The following GNG4 variants were observed in gnomAD, a reference collection of about 807,000 sequenced individuals.
GNG4 encodes guanine nucleotide-binding protein G(I)/G(S)/G(O) subunit gamma-4.
GNG4 carries 4 observed loss-of-function variants against 5.8 expected under a neutral mutation model. The ratio of observed to expected loss-of-function variants is 0.69; its 90% CI spans 0.34 to 1.57. The LOEUF (loss-of-function observed/expected upper bound fraction) is 1.57, where lower values mean the gene tolerates loss of function less well. Ranked by LOEUF, GNG4 falls within the 40% of genes most tolerant of loss-of-function variation. GNG4 has a pLI of 0.06. For synonymous variants in GNG4, 29 were observed against 32.9 expected (o/e 0.88, Z 0.41); for missense variants, 96 against 95.1 (o/e 1.01, Z -0.04).
chr1:235,631,890 T>A (rs973881192), intron 1 of GNG4, among the ~76,000 whole-genome samples: 1 of 151,886 alleles, frequency 6.6e-6, no homozygotes, highest in Non-Finnish European at 1.5e-5. Flanking sequence ...TTCCTATGAG[T>A]GGCAATACGT....
chr1:235,637,851 C>T (rs2102986734), intron 1 of GNG4, among the ~76,000 whole-genome samples: 1 of 152,302 alleles, frequency 6.6e-6, no homozygotes, highest in East Asian at 1.9e-4. Context: ...TATGGGCACA[C>T]AGCTCACTCT....
intron 3 of GNG4, among the ~76,000 whole-genome samples, chr1:235,580,765 T>TTA (rs1553366624): frequency 6.7e-6 from 1 of 149,742 alleles, no homozygotes. Context: ...TTTTTTTTTT[T>TTA]CCTGAGATGG....
chr1:235,562,317 A>G (rs2102918622), intron 3 of GNG4, among the ~76,000 whole-genome samples: 1 of 152,266 alleles, frequency 6.6e-6, no homozygotes, highest in African/African-American at 2.4e-5. Context: ...TATAAACTTT[A>G]AAATCATTTT....
In GNG4 at chr1:235,579,862, A is replaced by AAAACAAAAAAAAAAT. The variant is rs57019025; in HGVS notation, c.99+3877_99+3878insATTTTTTTTTTGTTT. Among the ~76,000 whole-genome samples the AAAACAAAAAAAAAAT allele has an allele frequency of 1.1e-4, 12 of 108,580 alleles. 1 individual carries two copies. Among genetic ancestry groups the AAAACAAAAAAAAAAT allele is most frequent in the Non-Finnish European group, 1.8e-4 (10 of 56,590 alleles). The allele number at this position is 108,580 out of a possible 152,430, so 71.2% of individuals were successfully genotyped here. A position where few individuals can be genotyped will look rare whatever the true frequency, so the allele number is the denominator to read the frequency against. The stretch of plus-strand genomic sequence containing the variant: ...TGAGACTCCATCTCTCAAAAAAAAA[A>AAAACAAAAAAAAAAT]AGGTAAAAAGGTTGAACATAGAGTT... On this transcript the variant is annotated intron_variant, in intron 3 of 3. Coordinates refer to ENST00000391854, the MANE Select transcript of GNG4 (RefSeq NM_001098722.2).
chr1:235,650,248 G>T (rs1484509712), upstream of GNG4, among the ~76,000 whole-genome samples: 3 of 21,270 alleles, frequency 1.4e-4, no homozygotes, highest in Non-Finnish European at 3.2e-4. Context: ...GCGGGGCCGG[G>T]GGGTAAATCA....
chr1:235,631,322 C>G lies in GNG4; in HGVS notation c.-123+18340G>C, dbSNP rs529003158. ...GAACCTCTTGCAGTTTGGTGCTGTC[C>G]AATTAATGAATCACCCTCTGCTCGG... On this transcript the variant is annotated intron_variant, in intron 1 of 3. Transcript: ENST00000391854. Among the ~76,000 whole-genome samples the G allele has an allele frequency of 3.9e-5, 6 of 152,286 alleles. No homozygotes were observed. In the East Asian group the frequency reaches 1.2e-3, roughly 29 times the overall value.
intron 1 of GNG4, among the ~76,000 whole-genome samples, chr1:235,630,053 T>C (rs1339446767): frequency 6.6e-6 from 1 of 152,250 alleles, no homozygotes; most frequent in Non-Finnish European, 1.5e-5. Context: ...TATTTTCTTT[T>C]GTACAATGAT....
At chr1:235,553,727 T>G (rs187848586) in intron 3 of GNG4, among the ~76,000 whole-genome samples, 2 of 152,320 alleles carry the variant, frequency 1.3e-5, no homozygotes, top group East Asian at 3.9e-4. Context: ...AACCTACATT[T>G]GTTAAGAATG....
intron 3 of GNG4, among the ~76,000 whole-genome samples, chr1:235,562,606 C>A (rs1043206289): frequency 1.4e-5 from 2 of 142,392 alleles, no homozygotes; most frequent in Admixed American, 1.5e-4. Context: ...GATGGCACCA[C>A]TGCACTCCAG....
intron 1 of GNG4, among the ~76,000 whole-genome samples, chr1:235,598,117 C>G (rs892715853): frequency 6.6e-6 from 1 of 152,148 alleles, no homozygotes; most frequent in Admixed American, 6.5e-5. Flanking sequence ...AAGCTGTTCT[C>G]TACCATCGGT....
intron 1 of GNG4, among the ~76,000 whole-genome samples, chr1:235,598,637 A>G (rs189720115): frequency 2.0e-5 from 3 of 152,272 alleles, no homozygotes; most frequent in African/African-American, 7.2e-5. Flanking sequence ...TTAAAAAAAT[A>G]AAGATCTTGA....
chr1:235,553,440 T>C (rs1414772411), intron 3 of GNG4, among the ~76,000 whole-genome samples: 1 of 152,176 alleles, frequency 6.6e-6, no homozygotes, highest in African/African-American at 2.4e-5. Flanking sequence ...GTACATTCAA[T>C]GTCTAAATCT....
At chr1:235,614,194 T>G (rs573401151) in intron 1 of GNG4, among the ~76,000 whole-genome samples, 6 of 152,320 alleles carry the variant, frequency 3.9e-5, no homozygotes, top group Admixed American at 3.9e-4. Context: ...GCTGCTGAAT[T>G]TATGGCCATA....
At chr1:235,599,015 C>T (rs1311438467) in intron 1 of GNG4, among the ~76,000 whole-genome samples, 1 of 151,940 alleles carries the variant, frequency 6.6e-6, no homozygotes, top group African/African-American at 2.4e-5. Flanking sequence ...GCATGAGCCA[C>T]CACACCCGGC....
At chr1:235,587,756 AGT>A (rs1430766165) in intron 2 of GNG4, among the ~76,000 whole-genome samples, 3 of 122,250 alleles carry the variant, frequency 2.5e-5, no homozygotes, top group African/African-American at 9.9e-5. Context: ...GGTGAGGGTG[AGT>A]GTGGGAGAGT....
intron 2 of GNG4, among the ~76,000 whole-genome samples, chr1:235,593,810 C>T (rs949761157): frequency 1.7e-4 from 26 of 152,128 alleles, no homozygotes; most frequent in Admixed American, 4.6e-4. Context: ...GGAGTGAAGC[C>T]GCAGACCTTC....
At chr1:235,588,287 CCTCTCAGGCCCTCCATGTGCGTCCA>C (rs1471218477) in intron 2 of GNG4, among the ~76,000 whole-genome samples, 1 of 151,984 alleles carries the variant, frequency 6.6e-6, no homozygotes, top group Non-Finnish European at 1.5e-5. Flanking sequence ...CCATGGCCTC[CCTCTCAGGCCCTCCATGTGCGTCCA>C]CTCTCCAGCC....
intron 3 of GNG4, among the ~76,000 whole-genome samples, chr1:235,562,352 G>T (rs2102918653): frequency 6.6e-6 from 1 of 152,092 alleles, no homozygotes; most frequent in Non-Finnish European, 1.5e-5. Context: ...GATAAGATTT[G>T]CTGGGATTTT....
chr1:235,553,752 G>C (rs1686818176), intron 3 of GNG4, among the ~76,000 whole-genome samples: 1 of 152,262 alleles, frequency 6.6e-6, no homozygotes, highest in Non-Finnish European at 1.5e-5. Context: ...ATGGAGAAAT[G>C]AGTTCCGGTG....
Sources: allele counts gnomAD v4.1 joint callset (sites outside exome capture counted in the v4.1 genomes callset), GRCh38; gene constraint gnomAD v4.1.1; transcripts MANE v1.5; gene names NCBI Gene and HGNC (gene_info 2026-07-23, HGNC 2026-07-21).